Variants in AGAP1 observed in about 807,000 individuals in gnomAD.
AGAP1 encodes ArfGAP with GTPase domain, ankyrin repeat and PH domain 1.
A neutral mutation model predicts 105.3 loss-of-function variants in AGAP1; 29 were observed. The ratio of observed to expected loss-of-function variants is 0.28; its 90% CI spans 0.21 to 0.38. The LOEUF is 0.38. AGAP1 is among the 10% of genes least tolerant of loss of function. The pLI is 1.00. For missense variants in AGAP1, 998 were observed against 1,165.1 expected (o/e 0.86, Z 2.09); for synonymous variants, 509 against 485.9 (o/e 1.05, Z -0.63).
At chr2:235,952,276 G>A (rs1559687457) in intron 12 of AGAP1, among the ~76,000 whole-genome samples, 1 of 151,464 alleles carries the variant, frequency 6.6e-6, no homozygotes, top group Non-Finnish European at 1.5e-5. Context: ...ATTTGCAGTG[G>A]CCCAGCAAAA....
Position 235,797,881 on chromosome 2 carries a change from A to G in AGAP1, c.796A>G (p.Ser266Gly). ...CGCGCAGGTGTCTGCCGTGCACATC[A>G]GCCAGGTACGTTAGGTGACATGAGA... is the stretch of plus-strand genomic sequence containing the variant. ...CSAQVSAVHI[S>G]QTSNGGGSLS... Residue 266 changes from serine (S) to glycine (G), a missense_variant, in exon 7 of 18, where the codon AGC (serine) becomes GGC (glycine). Ser to Gly is a moderately conservative substitution (Grantham distance 56). This residue lies in a region of AGAP1 where 735 missense variants were observed against 833.4 expected (regional missense o/e 0.88). Coordinates refer to ENST00000304032, the MANE Select transcript of AGAP1 (RefSeq NM_001037131.3). 2 of 1,614,204 alleles carry G rather than the reference A, an allele frequency of 1.2e-6. No individual in the cohort carries two copies. Among genetic ancestry groups the G allele is most frequent in the Non-Finnish European group, 8.5e-7 (1 of 1,180,036 alleles).
Position 236,003,197 on chromosome 2 carries a change from G to A in AGAP1, c.1646-33364G>A, listed in dbSNP as rs546796987. 2.6e-5 allele frequency among the ~76,000 whole-genome samples: 4 copies of A among 152,134 alleles called. No homozygotes were observed. The highest frequency in any genetic ancestry group is 2.1e-4 in the South Asian group (1 of 4,810). On this transcript the variant is annotated intron_variant, in intron 13 of 17. Coordinates refer to ENST00000304032, the MANE Select transcript of AGAP1 (RefSeq NM_001037131.3). The surrounding 1 kb of genome is among the most constrained non-coding windows in gnomAD (Gnocchi z 4.2). ...GTAGCTGGGACTACAGGCACATGCCGCCACGCCCAGCTAATTTTTGTATTT... is the reference window on the plus strand; with the variant it reads ...GTAGCTGGGACTACAGGCACATGCCACCACGCCCAGCTAATTTTTGTATTT...
At position 235,691,993 on chromosome 2, in the gene AGAP1, T is replaced by C. The variant is rs1451009706; in HGVS notation, c.164-17186T>C. Among the ~76,000 whole-genome samples, 1 of 152,200 alleles carries C rather than the reference T, an allele frequency of 6.6e-6. No homozygotes were observed. The highest frequency in any genetic ancestry group is 2.4e-5 in the African/African-American group (1 of 41,446). ...CGATAGCACATTCTCTAGTTGCTGGTTATCTAGTTACTAGTGGTAAGACAG... is the reference window on the plus strand; with the variant it reads ...CGATAGCACATTCTCTAGTTGCTGGCTATCTAGTTACTAGTGGTAAGACAG... On this transcript the variant is annotated intron_variant, in intron 1 of 17. Transcript: ENST00000304032. This position sits in a 1 kb window ranked among gnomAD's most constrained non-coding sequence, Gnocchi z 4.4.
At chr2:236,029,019 C>T (rs1310934983) in intron 13 of AGAP1, among the ~76,000 whole-genome samples, 1 of 152,012 alleles carries the variant, frequency 6.6e-6, no homozygotes, top group Non-Finnish European at 1.5e-5. Flanking sequence ...AATTTACTTA[C>T]CAACATGTGA....
chr2:235,712,100 C>T lies in AGAP1; in HGVS notation c.222+2863C>T, dbSNP rs556853513. On this transcript the variant is annotated intron_variant, in intron 2 of 17. Coordinates refer to ENST00000304032, the MANE Select transcript of AGAP1 (RefSeq NM_001037131.3). This position sits in a 1 kb window ranked among gnomAD's most constrained non-coding sequence, Gnocchi z 6.0. ...AGTGCAGTGGCGCCATCTCGGCTCA[C>T]TGCAACCTGCCTCCTGGGTTCAAGT... Among the ~76,000 whole-genome samples, 16 of 152,268 alleles carry T rather than the reference C, an allele frequency of 1.1e-4. No homozygotes were observed. The highest frequency in any genetic ancestry group is 3.3e-4 in the Admixed American group (5 of 15,308).
intron 9 of AGAP1, 74 bp downstream of exon 9, chr2:235,807,405 T>A (rs1185164056): frequency 7.3e-7 from 1 of 1,372,012 alleles, no homozygotes; most frequent in Non-Finnish European, 9.9e-7. Flanking sequence ...TGATGCTGGC[T>A]CTCGCACCAA....
intron 1 of AGAP1, among the ~76,000 whole-genome samples, chr2:235,563,387 T>G (rs1170652778): frequency 3.9e-5 from 6 of 152,196 alleles, no homozygotes; most frequent in African/African-American, 1.4e-4. Context: ...CTTGCCCAGG[T>G]GACCCCCTGA....
chr2:235,686,646 G>GATAT (rs869287617), intron 1 of AGAP1, among the ~76,000 whole-genome samples: 2 of 18,824 alleles, frequency 1.1e-4, no homozygotes, highest in Admixed American at 7.8e-4. Flanking sequence ...TATATATATA[G>GATAT]ATATATATAT....
At chr2:235,762,461 C>T (rs1954532552) in intron 6 of AGAP1, among the ~76,000 whole-genome samples, 1 of 152,132 alleles carries the variant, frequency 6.6e-6, no homozygotes, top group South Asian at 2.1e-4. Context: ...GTATTGAATG[C>T]AGAGCCTCAT....
chr2:235,578,287 CCTGACCTCTCCTCAAA>C lies in AGAP1; in HGVS notation c.163+83441_163+83456del, dbSNP rs1384584716. On this transcript the variant is annotated intron_variant, in intron 1 of 17. Transcript: ENST00000304032. This position sits in a 1 kb window ranked among gnomAD's most constrained non-coding sequence, Gnocchi z 4.9. ...GCCCCCACACCTTTGTTGACAAGGA[CCTGACCTCTCCTCAAA>C]CTACAACCTAAGAACCACAATGCCT... Among the ~76,000 whole-genome samples the C allele has an allele frequency of 6.6e-6, 1 of 152,162 alleles. No individual in the cohort carries two copies. Among genetic ancestry groups the C allele is most frequent in the Non-Finnish European group, 1.5e-5 (1 of 68,034 alleles).
rs1286635360 is a variant in AGAP1, at chr2:235,753,441, A to G, written c.673+2953A>G. 6.6e-6 allele frequency among the ~76,000 whole-genome samples: 1 copy of G among 152,170 alleles called. No individual in the cohort carries two copies. The highest frequency in any genetic ancestry group is 6.5e-5 in the Admixed American group (1 of 15,278). ...GGATTTTGGCTGGGCGCAGTGGCTC[A>G]GGCCTGTAATCCCAACACTTTGGGA... On this transcript the variant is annotated intron_variant, in intron 6 of 17. Transcript: ENST00000304032. This position sits in a 1 kb window ranked among gnomAD's most constrained non-coding sequence, Gnocchi z 4.5.
intron 12 of AGAP1, among the ~76,000 whole-genome samples, chr2:235,945,276 A>G (rs2053438800): frequency 6.6e-6 from 1 of 151,570 alleles, no homozygotes; most frequent in South Asian, 2.1e-4. Context: ...AATTTTTTGT[A>G]TTTTTAGTAG....
chr2:235,744,748 A>G lies in AGAP1; in HGVS notation c.447A>G (p.Glu149=), dbSNP rs745982151. 1 of 1,613,790 alleles carries G rather than the reference A, an allele frequency of 6.2e-7. No homozygotes were observed. Among genetic ancestry groups the G allele is most frequent in the South Asian group, 1.1e-5 (1 of 91,054 alleles). Residue 149 remains glutamate, a synonymous_variant, in exon 5 of 18, where the codon GAA becomes GAG. Transcript: ENST00000304032. The surrounding 1 kb of genome is among the most constrained non-coding windows in gnomAD (Gnocchi z 5.2). The part of the protein sequence containing the change: ...AVIFVFSLED[E]ISFQTVYHYY... ...TATTTGTCTTCAGCTTGGAGGATGA[A>G]ATAAGTTTCCAGACCGTTTACCACT... is the stretch of plus-strand genomic sequence containing the variant.
chr2:235,999,735 A>G (rs983448028), intron 13 of AGAP1, among the ~76,000 whole-genome samples: 6 of 146,594 alleles, frequency 4.1e-5, no homozygotes, highest in Non-Finnish European at 9.0e-5. Context: ...TTGATGACCA[A>G]TATGGTATGG....
At position 235,583,000 on chromosome 2, in the gene AGAP1, T is replaced by C. The variant is rs1045448468; in HGVS notation, c.163+88151T>C. On this transcript the variant is annotated intron_variant, in intron 1 of 17. Coordinates refer to ENST00000304032, the MANE Select transcript of AGAP1 (RefSeq NM_001037131.3). The surrounding 1 kb of genome is among the most constrained non-coding windows in gnomAD (Gnocchi z 4.7). ...TGCCAAGGACCCCTGTGTGTTAAAGTTGAAATAGTTCCCTAGTAAACTGGC... is the reference window on the plus strand; with the variant it reads ...TGCCAAGGACCCCTGTGTGTTAAAGCTGAAATAGTTCCCTAGTAAACTGGC... 1.3e-5 allele frequency among the ~76,000 whole-genome samples: 2 copies of C among 152,186 alleles called. No homozygotes were observed. Among genetic ancestry groups the C allele is most frequent in the Non-Finnish European group, 2.9e-5 (2 of 68,030 alleles).
At position 236,055,735 on chromosome 2, in the gene AGAP1, T is replaced by G. The variant is rs1193311218; in HGVS notation, c.2114+6454T>G. ...ATTTACTACCAATAAAGTTTATACA[T>G]CCTCGGCTATGCAAACGCAACAGCT... On this transcript the variant is annotated intron_variant, in intron 16 of 17. Coordinates refer to ENST00000304032, the MANE Select transcript of AGAP1 (RefSeq NM_001037131.3). The surrounding 1 kb of genome is among the most constrained non-coding windows in gnomAD (Gnocchi z 6.2). Among the ~76,000 whole-genome samples the G allele has an allele frequency of 6.6e-6, 1 of 152,240 alleles. No homozygotes were observed. Among genetic ancestry groups the G allele is most frequent in the Non-Finnish European group, 1.5e-5 (1 of 68,044 alleles).
chr2:235,590,857 A>C (rs58150744), intron 1 of AGAP1, among the ~76,000 whole-genome samples: 1,637 of 148,216 alleles, frequency 0.011, 30 homozygotes, highest in African/African-American at 0.038. Context: ...AGTAGCTGGG[A>C]CTACAGGCAC....
chr2:235,691,291 ACT>A lies in AGAP1; in HGVS notation c.164-17883_164-17882del, dbSNP rs1337730675. Among the ~76,000 whole-genome samples the A allele has an allele frequency of 5.3e-5, 8 of 152,072 alleles. No homozygotes were observed. The highest frequency in any genetic ancestry group is 8.8e-5 in the Non-Finnish European group (6 of 68,002). On this transcript the variant is annotated intron_variant, in intron 1 of 17. Coordinates refer to ENST00000304032, the MANE Select transcript of AGAP1 (RefSeq NM_001037131.3). The surrounding 1 kb of genome is among the most constrained non-coding windows in gnomAD (Gnocchi z 4.4). ...GGACTGTCATATCCAGGGAAAGGTC[ACT>A]CTCTGGCAGTGGATGCTACCCTGTT...
At chr2:235,911,365 C>G (rs142051479) in intron 11 of AGAP1, among the ~76,000 whole-genome samples, 82 of 152,132 alleles carry the variant, frequency 5.4e-4, no homozygotes, top group African/African-American at 1.9e-3. Flanking sequence ...GCGGTCGGCT[C>G]CCCAGGAGGT....
Sources: allele counts gnomAD v4.1 joint callset (sites outside exome capture counted in the v4.1 genomes callset), GRCh38; gene constraint gnomAD v4.1.1; regional missense constraint gnomAD v4.1.1; non-coding constraint Gnocchi (gnomAD v3.1); transcripts MANE v1.5; gene names NCBI Gene and HGNC (gene_info 2026-07-23, HGNC 2026-07-21).